Variants in ADAM18 observed in about 807,000 individuals in gnomAD.
The protein encoded by ADAM18 is disintegrin and metalloproteinase domain-containing protein 18.
Under a neutral mutation model 94.4 loss-of-function variants are expected in ADAM18, and 117 were observed. That is an observed-to-expected ratio of 1.24 (90% confidence interval 1.07 to 1.45). The LOEUF (loss-of-function observed/expected upper bound fraction) is 1.45. Among genes scored for constraint, ADAM18 ranks in the 40% most tolerant of loss-of-function variants. The pLI is 0.00. For synonymous variants in ADAM18, 327 were observed against 291.6 expected (o/e 1.12, Z -1.24); for missense variants, 936 against 880.0 (o/e 1.06, Z -0.81).
chr8:39,603,081 T>C (rs1818957679), intron 2 of ADAM18, among the ~76,000 whole-genome samples: 1 of 152,214 alleles, frequency 6.6e-6, no homozygotes, highest in South Asian at 2.1e-4. Flanking sequence ...GATTCGTCTT[T>C]TTGCATGTGG....
chr8:39,669,497 A>G (rs1334691768), intron 14 of ADAM18, among the ~76,000 whole-genome samples: 1 of 111,298 alleles, frequency 9.0e-6, no homozygotes, highest in Non-Finnish European at 1.7e-5. Context: ...CCAGTGTGTG[A>G]TGTTCCCCTT....
At chr8:39,608,827 A>G (rs1819172460) in intron 3 of ADAM18, among the ~76,000 whole-genome samples, 1 of 152,154 alleles carries the variant, frequency 6.6e-6, no homozygotes. Context: ...TCTGATGCAG[A>G]GGAATCCCAG....
chr8:39,606,047 A>G (rs1819072439), intron 2 of ADAM18, among the ~76,000 whole-genome samples: 1 of 152,142 alleles, frequency 6.6e-6, no homozygotes, highest in Non-Finnish European at 1.5e-5. Context: ...CTTTCTTTTT[A>G]TGGCTGAGTA....
intron 18 of ADAM18, among the ~76,000 whole-genome samples, chr8:39,722,041 A>T (rs1341612074): frequency 1.3e-5 from 2 of 150,478 alleles, no homozygotes; most frequent in Non-Finnish European, 3.0e-5. Flanking sequence ...ATATGCACAC[A>T]CATATATATT....
At chr8:39,727,687 T>G (rs1294388473) in intron 19 of ADAM18, among the ~76,000 whole-genome samples, 2 of 152,192 alleles carry the variant, frequency 1.3e-5, no homozygotes, top group Non-Finnish European at 2.9e-5. Context: ...GTCAGCCTTT[T>G]GGTCACAGTC....
At chr8:39,650,812 C>G (rs114848501) in intron 12 of ADAM18, among the ~76,000 whole-genome samples, 2,827 of 152,266 alleles carry the variant, frequency 0.019, 81 homozygotes, top group African/African-American at 0.065. Flanking sequence ...TGGCCTCCCC[C>G]TCCACACCTG....
At chr8:39,648,285 G>T in intron 11 of ADAM18, 59 bp from the exon 12 acceptor site, 1 of 1,411,010 alleles carries the variant, frequency 7.1e-7, no homozygotes, top group East Asian at 2.4e-5. Flanking sequence ...ATGGAGTGTT[G>T]TTTAGATGTG....
intron 17 of ADAM18, among the ~76,000 whole-genome samples, chr8:39,701,117 CAAAAAAAAAAAAA>C (rs71237188): frequency 0.058 from 2,010 of 34,592 alleles, 80 homozygotes; most frequent in African/African-American, 0.19. Flanking sequence ...GACTCTGTCT[CAAAAAAAAAAAAA>C]AAAAAAAAAA....
intron 7 of ADAM18, among the ~76,000 whole-genome samples, chr8:39,633,635 A>T (rs1819994712): frequency 1.3e-5 from 2 of 152,150 alleles, no homozygotes; most frequent in Admixed American, 1.3e-4. Flanking sequence ...ACTTTATGGA[A>T]GTCAGAACTT....
intron 18 of ADAM18, among the ~76,000 whole-genome samples, chr8:39,711,273 C>T (rs897697892): frequency 6.6e-6 from 1 of 152,000 alleles, no homozygotes; most frequent in East Asian, 1.9e-4. Flanking sequence ...ACTGGCAAAC[C>T]CTGAGTAAGG....
At chr8:39,617,681 T>C (rs1048341159) in intron 6 of ADAM18, among the ~76,000 whole-genome samples, 1 of 152,226 alleles carries the variant, frequency 6.6e-6, no homozygotes, top group Admixed American at 6.5e-5. Flanking sequence ...AATTATGTTC[T>C]GTGTAGCAAT....
At chr8:39,630,234 T>C (rs974943469) in intron 7 of ADAM18, among the ~76,000 whole-genome samples, 1 of 151,714 alleles carries the variant, frequency 6.6e-6, no homozygotes, top group African/African-American at 2.4e-5. Context: ...TTAAAATTAG[T>C]ACTATTATAT....
intron 13 of ADAM18, 27 bp downstream of exon 13, chr8:39,663,917 A>G: frequency 6.8e-7 from 1 of 1,471,164 alleles, no homozygotes; most frequent in Non-Finnish European, 9.4e-7. Flanking sequence ...CATTAAAAGC[A>G]AATTGAACTG....
At chr8:39,699,269 T>C (rs913723546) in intron 17 of ADAM18, among the ~76,000 whole-genome samples, 3 of 152,126 alleles carry the variant, frequency 2.0e-5, no homozygotes, top group African/African-American at 4.8e-5. Flanking sequence ...TAAAGTTTAA[T>C]AATGTACATC....
intron 12 of ADAM18, among the ~76,000 whole-genome samples, chr8:39,663,542 T>A (rs1351647182): frequency 7.5e-6 from 1 of 134,050 alleles, no homozygotes; most frequent in African/African-American, 2.9e-5. Context: ...GAGGCTGCAG[T>A]GTGTCATGAT....
intron 2 of ADAM18, among the ~76,000 whole-genome samples, chr8:39,588,787 C>A (rs909215186): frequency 6.6e-6 from 1 of 152,098 alleles, no homozygotes; most frequent in Admixed American, 6.5e-5. Flanking sequence ...GAATGCACAC[C>A]TTGGGGAGCC....
At chr8:39,727,541 A>G (rs1487280449) in intron 19 of ADAM18, among the ~76,000 whole-genome samples, 2 of 152,208 alleles carry the variant, frequency 1.3e-5, no homozygotes, top group Non-Finnish European at 2.9e-5. Flanking sequence ...AAGCTTCCAC[A>G]GATCCCTAGG....
intron 2 of ADAM18, among the ~76,000 whole-genome samples, chr8:39,599,793 G>T (rs982706845): frequency 7.3e-5 from 11 of 151,594 alleles, no homozygotes; most frequent in African/African-American, 2.4e-4. Context: ...TTAAATTCAC[G>T]CATTAGTTCT....
At chr8:39,700,903 A>G (rs1822050721) in intron 17 of ADAM18, among the ~76,000 whole-genome samples, 1 of 151,626 alleles carries the variant, frequency 6.6e-6, no homozygotes, top group Non-Finnish European at 1.5e-5. Context: ...TCACGAGGTC[A>G]GGAGATCGAG....
Sources: gnomAD v4.1 joint callset for allele counts (sites outside exome capture counted in the v4.1 genomes callset) on GRCh38, gnomAD v4.1.1 for gene constraint, MANE v1.5 for transcripts, NCBI Gene and HGNC (gene_info 2026-07-23, HGNC 2026-07-21) for gene names.